Variants in DMD observed in about 807,000 individuals in gnomAD.
DMD encodes the protein dystrophin.
Under a neutral mutation model 330.1 loss-of-function variants are expected in DMD, and 63 were observed. The ratio of observed to expected loss-of-function variants is 0.19; its 90% CI spans 0.16 to 0.24. The LOEUF (loss-of-function observed/expected upper bound fraction) is 0.24. DMD is among the 10% of genes least tolerant of loss of function. The pLI, the probability that DMD is intolerant of heterozygous loss-of-function variation, is 1.00. For synonymous variants in DMD, 1,223 were observed against 959.8 expected (o/e 1.27, Z -5.07); for missense variants, 3,344 against 2,684.1 (o/e 1.25, Z -5.43).
At chrX:31,485,611 T>C (rs1319020054) in intron 57 of DMD, among the ~76,000 whole-genome samples, 1 of 111,584 alleles carries the variant, frequency 9.0e-6, no homozygotes, top group Non-Finnish European at 1.9e-5. Flanking sequence ...AGGTGAGATA[T>C]TGATTTGCTT....
In DMD at chrX:33,174,333, G is replaced by A. The variant is rs182597890; in HGVS notation, c.31+36949C>T. Among the ~76,000 whole-genome samples, 1,096 of 110,915 alleles carry A rather than the reference G, an allele frequency of 9.9e-3. 5 individuals carry two copies. Among genetic ancestry groups the A allele is most frequent in the Non-Finnish European group, 0.014 (733 of 52,874 alleles). Reference sequence around the variant, plus strand: ...TGAAAGTCTCCTATGAACTCGAGAAGCCGCAAAACCAAGGAAGAGAAAGAG... The same window carrying A: ...TGAAAGTCTCCTATGAACTCGAGAAACCGCAAAACCAAGGAAGAGAAAGAG... On this transcript the variant is annotated intron_variant, in intron 1 of 78. Transcript: ENST00000357033.
chrX:31,589,403 C>T lies in DMD; in HGVS notation c.8217+38270G>A, dbSNP rs778485822. Among the ~76,000 whole-genome samples the T allele has an allele frequency of 5.0e-4, 56 of 111,138 alleles. 1 individual carries two copies. The highest frequency in any genetic ancestry group is 2.0e-3 in the Admixed American group (21 of 10,392). ...GCTATCTCCCTGACTTATTGGGGGT[C>T]CTATTTCTGTCAAAATCAGCAAAGG... is the stretch of plus-strand genomic sequence containing the variant. On this transcript the variant is annotated intron_variant, in intron 55 of 78. Coordinates refer to ENST00000357033, the MANE Select transcript of DMD (RefSeq NM_004006.3).
At chrX:31,435,858 G>T (rs1233207412) in intron 60 of DMD, among the ~76,000 whole-genome samples, 1 of 111,635 alleles carries the variant, frequency 9.0e-6, no homozygotes, top group Non-Finnish European at 1.9e-5. Flanking sequence ...CAGAAGAAAG[G>T]GTGGGGCGGG....
At chrX:31,521,725 G>A (rs763402358) in intron 55 of DMD, among the ~76,000 whole-genome samples, 2 of 111,520 alleles carry the variant, frequency 1.8e-5, no homozygotes, top group African/African-American at 3.3e-5. Context: ...TTTGTGATAC[G>A]GTTTTAAATT....
intron 44 of DMD, among the ~76,000 whole-genome samples, chrX:32,031,494 A>G (rs929950112): frequency 1.5e-4 from 17 of 111,514 alleles, no homozygotes; most frequent in Admixed American, 2.9e-4. Context: ...CACCAAGGGA[A>G]TCTCTCTCAC....
intron 1 of DMD, among the ~76,000 whole-genome samples, chrX:33,323,751 G>A (rs1236676518): frequency 1.8e-5 from 2 of 111,474 alleles, no homozygotes; most frequent in African/African-American, 6.5e-5. Context: ...TTTATCCCAC[G>A]AGTTCCAAGT....
At chrX:32,335,854 A>G (rs2097708390) in intron 41 of DMD, among the ~76,000 whole-genome samples, 1 of 105,785 alleles carries the variant, frequency 9.5e-6, no homozygotes, top group African/African-American at 3.4e-5. Flanking sequence ...ATAACATGTT[A>G]TATTCAACGT....
At chrX:32,942,359 A>G (rs2090483608) in intron 2 of DMD, among the ~76,000 whole-genome samples, 1 of 111,601 alleles carries the variant, frequency 9.0e-6, no homozygotes, top group South Asian at 3.8e-4. Flanking sequence ...CCTGGCCAAC[A>G]TGGTGAAACC....
At chrX:32,926,700 C>A (rs1319124006) in intron 2 of DMD, among the ~76,000 whole-genome samples, 2 of 104,180 alleles carry the variant, frequency 1.9e-5, no homozygotes, top group Non-Finnish European at 3.9e-5. Flanking sequence ...TGCAGTGAAC[C>A]GAGATCAAGC....
chrX:31,833,732 C>T (rs1270263191), intron 49 of DMD, among the ~76,000 whole-genome samples: 1 of 110,894 alleles, frequency 9.0e-6, no homozygotes, highest in Non-Finnish European at 1.9e-5. Flanking sequence ...AGCGTAGGAG[C>T]TGGACAGACA....
chrX:32,907,725 A>G (rs2086843186), intron 2 of DMD, among the ~76,000 whole-genome samples: 1 of 112,363 alleles, frequency 8.9e-6, no homozygotes, highest in Non-Finnish European at 1.9e-5. Context: ...GAATAATTCA[A>G]TTACATAAAA....
chrX:31,328,348 G>T (rs1006491359), intron 61 of DMD, among the ~76,000 whole-genome samples: 1 of 110,996 alleles, frequency 9.0e-6, no homozygotes, highest in East Asian at 2.8e-4. Flanking sequence ...TAAGTGTAAA[G>T]AGAAAAATCA....
At chrX:33,010,268 G>C (rs776709843) in intron 2 of DMD, among the ~76,000 whole-genome samples, 12 of 107,788 alleles carry the variant, frequency 1.1e-4, no homozygotes, top group African/African-American at 3.7e-4. Flanking sequence ...ACAAATATGT[G>C]TGTATATGTA....
At chrX:31,147,842 T>C (rs1018246128) in intron 74 of DMD, among the ~76,000 whole-genome samples, 11 of 111,677 alleles carry the variant, frequency 9.8e-5, no homozygotes, top group African/African-American at 3.6e-4. Flanking sequence ...AATCACTTTG[T>C]AAATATTTCT....
chrX:32,244,163 A>T (rs992234041), intron 43 of DMD, among the ~76,000 whole-genome samples: 1 of 90,538 alleles, frequency 1.1e-5, no homozygotes, highest in Non-Finnish European at 2.1e-5. Context: ...TGTCCATGTG[A>T]TCTCATTGTT....
At chrX:31,773,487 C>G (rs1019376007) in intron 51 of DMD, among the ~76,000 whole-genome samples, 42 of 111,457 alleles carry the variant, frequency 3.8e-4, no homozygotes, top group African/African-American at 1.2e-3. Context: ...AGCTCTCTTT[C>G]AATTATCCTT....
At chrX:32,424,894 A>G (rs1342268178) in intron 29 of DMD, among the ~76,000 whole-genome samples, 1 of 111,794 alleles carries the variant, frequency 8.9e-6, no homozygotes, top group African/African-American at 3.2e-5. Flanking sequence ...GATACTTCAG[A>G]CTAGAATCCT....
At chrX:31,459,664 C>T (rs1272347523) in intron 59 of DMD, among the ~76,000 whole-genome samples, 1 of 112,012 alleles carries the variant, frequency 8.9e-6, no homozygotes, top group African/African-American at 3.2e-5. Flanking sequence ...CCATAAAAAT[C>T]AATTCCTTAA....
At chrX:31,190,735 C>G (rs1435809488) in intron 67 of DMD, among the ~76,000 whole-genome samples, 1 of 108,626 alleles carries the variant, frequency 9.2e-6, no homozygotes. Flanking sequence ...CGGGCCAAAG[C>G]ATCAGTAGCA....
Sources: gnomAD v4.1 joint callset for allele counts (sites outside exome capture counted in the v4.1 genomes callset) on GRCh38, gnomAD v4.1.1 for gene constraint, MANE v1.5 for transcripts, NCBI Gene and HGNC (gene_info 2026-07-23, HGNC 2026-07-21) for gene names.